The following NSA2 variants were observed in gnomAD, a reference collection of about 807,000 sequenced individuals.
The protein encoded by NSA2 is NSA2 ribosome biogenesis factor.
A neutral mutation model predicts 34.8 loss-of-function variants in NSA2; 18 were observed. The ratio of observed to expected loss-of-function variants is 0.52; its 90% CI spans 0.36 to 0.77. The LOEUF (loss-of-function observed/expected upper bound fraction) is 0.77. Among genes scored for constraint, NSA2 ranks in the 30% least tolerant of loss-of-function variants. NSA2 has a pLI of 0.00. For synonymous variants in NSA2, 79 were observed against 100.2 expected, an observed-to-expected ratio of 0.79 and a Z score of 1.26; for missense variants, 188 against 314.7, an observed-to-expected ratio of 0.60 and a Z score of 3.05.
Position 74,777,971 on chromosome 5 carries a change from G to C in NSA2, c.*1300G>C, listed in dbSNP as rs1745205758. On this transcript the variant is annotated 3_prime_UTR_variant, in exon 6 of 6. Coordinates refer to ENST00000610426, the MANE Select transcript of NSA2 (RefSeq NM_014886.6). Reference sequence around the variant, plus strand: ...AGGATGATACAATCACTTGATGACAGAAGGTAAGCCTTTCTTACAATTAGA... The same window carrying C: ...AGGATGATACAATCACTTGATGACACAAGGTAAGCCTTTCTTACAATTAGA... 6.6e-6 allele frequency: 1 copy of C among 152,004 alleles called. No homozygotes were observed. The highest frequency in any genetic ancestry group is 6.5e-5 in the Admixed American group (1 of 15,270). 9.4% of individuals were successfully genotyped at this position (152,004 alleles called of 1,614,324 possible).
At chr5:74,774,894 T>C (rs1040276436) in intron 5 of NSA2, among the ~76,000 whole-genome samples, 6 of 152,124 alleles carry the variant, frequency 3.9e-5, no homozygotes, top group African/African-American at 1.4e-4. Flanking sequence ...TTTAAAGAAA[T>C]AGAACTATCT....
At chr5:74,775,381 C>T (rs1397828197) in intron 5 of NSA2, among the ~76,000 whole-genome samples, 2 of 151,560 alleles carry the variant, frequency 1.3e-5, no homozygotes, top group Non-Finnish European at 1.5e-5. Context: ...TTGGGGAGGC[C>T]GAGGCAGGCG....
At position 74,777,544 on chromosome 5, in the gene NSA2, C is replaced by T. The variant is rs907150950; in HGVS notation, c.*873C>T. On this transcript the variant is annotated 3_prime_UTR_variant, in exon 6 of 6. Transcript: ENST00000610426. ...TTATATGTTGTGGTTTTAAGGATGG[C>T]GTATATTACATTAATCTATAATCAC... The T allele has an allele frequency of 3.3e-5, 5 of 151,636 alleles. No individual in the cohort carries two copies. Among genetic ancestry groups the T allele is most frequent in the Admixed American group, 6.6e-5 (1 of 15,206 alleles). 9.4% of individuals were successfully genotyped at this position (151,636 alleles called of 1,614,324 possible). A position where few individuals can be genotyped will look rare whatever the true frequency, so the allele number is the denominator to read the frequency against.
intron 1 of NSA2, among the ~76,000 whole-genome samples, chr5:74,767,786 A>G (rs1430451581): frequency 1.3e-5 from 2 of 152,218 alleles, no homozygotes; most frequent in Admixed American, 1.3e-4. Flanking sequence ...CCAGACAGCT[A>G]ATGAATTGCG....
intron 1 of NSA2, 28 bp downstream of exon 1, chr5:74,767,391 A>G: frequency 1.9e-6 from 3 of 1,612,008 alleles, no homozygotes; most frequent in Non-Finnish European, 8.5e-7. Context: ...GACGCTCGCG[A>G]CACACAGCGT....
chr5:74,769,423 T>A (rs547051371), intron 3 of NSA2, 59 bp downstream of exon 3: 2 of 1,404,476 alleles, frequency 1.4e-6, no homozygotes, highest in South Asian at 2.9e-5. Flanking sequence ...AATTCAAATT[T>A]GAGGTTCTTG....
At position 74,770,658 on chromosome 5, in the gene NSA2, G is replaced by C. The variant is rs185653889; in HGVS notation, c.370G>C (p.Val124Leu). Reference sequence around the variant, plus strand: ...AAAATGGGAAGTCCCTCTGCCTAAAGTACGTGCCCAGGGAGAAACAGAAGT... The same window carrying C: ...AAAATGGGAAGTCCCTCTGCCTAAACTACGTGCCCAGGGAGAAACAGAAGT... Reference protein sequence around the residue: ...AGKWEVPLPKVRAQGETEVLK... With the variant: ...AGKWEVPLPKLRAQGETEVLK... Residue 124 changes from valine (V) to leucine (L), a missense_variant, in exon 4 of 6, where the codon GTA becomes CTA. By Grantham distance (32) the Val-to-Leu change is conservative. Transcript: ENST00000610426. 3 of 1,604,260 alleles carry C rather than the reference G, an allele frequency of 1.9e-6. No homozygotes were observed. The highest frequency in any genetic ancestry group is 2.6e-6 in the Non-Finnish European group (3 of 1,176,346).
At chr5:74,771,445 C>A (rs1470209079) in intron 4 of NSA2, 4 of 152,162 alleles carry the variant, frequency 2.6e-5, no homozygotes, top group Admixed American at 2.6e-4. Context: ...CTGATATTGT[C>A]TAGGTCTCAA....
intron 4 of NSA2, 73 bp downstream of exon 4, chr5:74,770,883 T>G (rs1331413588): frequency 9.5e-6 from 11 of 1,156,934 alleles, no homozygotes; most frequent in Non-Finnish European, 1.3e-5. Flanking sequence ...ACATTATCAT[T>G]TCCTGAAATT....
At chr5:74,774,171 C>T (rs947979395) in intron 5 of NSA2, 111 bp downstream of exon 5, 2 of 614,596 alleles carry the variant, frequency 3.3e-6, no homozygotes, top group Admixed American at 2.7e-5. Flanking sequence ...TGCAGTAGAG[C>T]TAAAACACTG....
At chr5:74,768,887 C>T in intron 1 of NSA2, 44 bp from the exon 2 acceptor site, 2 of 1,344,778 alleles carry the variant, frequency 1.5e-6, no homozygotes, top group South Asian at 1.5e-5. Context: ...GAATAATTGT[C>T]AGTACTTTAA....
chr5:74,775,148 G>A (rs1356432769), intron 5 of NSA2, among the ~76,000 whole-genome samples: 1 of 152,122 alleles, frequency 6.6e-6, no homozygotes, highest in Non-Finnish European at 1.5e-5. Context: ...CCTGGGAGGT[G>A]GAGCTTGCAG....
chr5:74,767,277 T>G lies in NSA2; in HGVS notation c.-84T>G, dbSNP rs1255835983. On this transcript the variant is annotated 5_prime_UTR_variant, in exon 1 of 6. Transcript: ENST00000610426. Reference sequence around the variant, plus strand: ...CTTTCCTGTCCCGGCCTGCGTGGTGTGGGCTTGTGGGTCTTTGAGACCCGA... The same window carrying G: ...CTTTCCTGTCCCGGCCTGCGTGGTGGGGGCTTGTGGGTCTTTGAGACCCGA... 10 of 1,555,840 alleles carry G rather than the reference T, an allele frequency of 6.4e-6. No homozygotes were observed. The African/African-American group carries it at 6.8e-5, about 11-fold the overall frequency.
chr5:74,773,682 C>G (rs757004432), intron 4 of NSA2, among the ~76,000 whole-genome samples, 186 bp from the exon 5 acceptor site: 6 of 152,062 alleles, frequency 3.9e-5, no homozygotes, highest in Admixed American at 1.3e-4. Flanking sequence ...GGTGTTTTCC[C>G]CACATATTTA....
At chr5:74,771,464 T>C (rs1744925439) in intron 4 of NSA2, 1 of 152,190 alleles carries the variant, frequency 6.6e-6, no homozygotes, top group African/African-American at 2.4e-5. Context: ...AAAACACTTC[T>C]TGTCTTTGAC....
intron 1 of NSA2, 24 bp from the exon 2 acceptor site, chr5:74,768,907 A>G: frequency 6.7e-7 from 1 of 1,495,464 alleles, no homozygotes; most frequent in Non-Finnish European, 9.0e-7. Context: ...AAAAATTAAA[A>G]TAATATTTCT....
chr5:74,773,482 A>AAT (rs1561277237), intron 4 of NSA2, among the ~76,000 whole-genome samples: 1 of 151,630 alleles, frequency 6.6e-6, no homozygotes, highest in African/African-American at 2.4e-5. Context: ...AAAAAAAAAA[A>AAT]AAAAAAAATA....
chr5:74,779,348 T>C lies in NSA2; in HGVS notation c.*2677T>C, dbSNP rs1745292277. The C allele has an allele frequency of 6.6e-6, 1 of 152,138 alleles. No individual in the cohort carries two copies. Among genetic ancestry groups the C allele is most frequent in the African/African-American group, 2.4e-5 (1 of 41,452 alleles). The allele number at this position is 152,138 out of a possible 1,614,324, so 9.4% of individuals were successfully genotyped here. ...AGCACATATACTAAAATTAGAACAA[T>C]ACAGGGAAAATTAGCATGGCCCCTG... On this transcript the variant is annotated 3_prime_UTR_variant, in exon 6 of 6. Coordinates refer to ENST00000610426, the MANE Select transcript of NSA2 (RefSeq NM_014886.6).
At chr5:74,776,206 T>C (rs970297728) in intron 5 of NSA2, among the ~76,000 whole-genome samples, 1 of 152,192 alleles carries the variant, frequency 6.6e-6, no homozygotes, top group African/African-American at 2.4e-5. Flanking sequence ...TAATTAGAAA[T>C]ATTTTAGGCA....
Sources: allele counts gnomAD v4.1 joint callset (sites outside exome capture counted in the v4.1 genomes callset), GRCh38; gene constraint gnomAD v4.1.1; transcripts MANE v1.5; gene names NCBI Gene and HGNC (gene_info 2026-07-23, HGNC 2026-07-21).